GDA: variants seen among roughly 807,000 people sequenced by gnomAD.
GDA encodes guanine deaminase, also known as cytoplasmic PSD-95 interactor.
A neutral mutation model predicts 59.6 loss-of-function variants in GDA; 18 were observed. The observed-to-expected ratio is 0.30, with a 90% CI of 0.21 to 0.45. The LOEUF (loss-of-function observed/expected upper bound fraction) is 0.45, where lower values mean the gene tolerates loss of function less well. Among genes scored for constraint, GDA ranks in the 20% least tolerant of loss-of-function variants. The pLI is 1.00. For synonymous variants in GDA, 201 were observed against 201.1 expected (o/e 1.00, Z 0.00); for missense variants, 427 against 552.3 (o/e 0.77, Z 2.27).
downstream of GDA, among the ~76,000 whole-genome samples, chr9:72,257,943 A>T (rs1233752075): frequency 6.6e-6 from 1 of 151,246 alleles, no homozygotes; most frequent in African/African-American, 2.4e-5. Flanking sequence ...AAAAAAAAAA[A>T]AAAAAGATAC....
At chr9:72,158,572 A>C (rs1828220184) in intron 1 of GDA, among the ~76,000 whole-genome samples, 1 of 151,842 alleles carries the variant, frequency 6.6e-6, no homozygotes, top group Non-Finnish European at 1.5e-5. Context: ...CAGCCTGGGC[A>C]ACAAGAGCGA....
At chr9:72,225,994 T>C (rs1211338057) in intron 8 of GDA, among the ~76,000 whole-genome samples, 2 of 149,016 alleles carry the variant, frequency 1.3e-5, no homozygotes, top group Non-Finnish European at 3.0e-5. Context: ...GCCTAGTGTG[T>C]GTGTGTGTGT....
At chr9:72,235,809 C>G (rs186210905) in intron 10 of GDA, among the ~76,000 whole-genome samples, 2 of 152,006 alleles carry the variant, frequency 1.3e-5, no homozygotes, top group East Asian at 3.9e-4. Context: ...AGGATACCTC[C>G]TATGTGAAAT....
At chr9:72,165,475 G>A (rs540550345) in intron 1 of GDA, among the ~76,000 whole-genome samples, 16 of 152,140 alleles carry the variant, frequency 1.1e-4, no homozygotes, top group Non-Finnish European at 1.9e-4. Context: ...TAAATGTGAG[G>A]TTGTTTGAAA....
chr9:72,147,266 G>A (rs1826674943), upstream of GDA, among the ~76,000 whole-genome samples: 1 of 152,140 alleles, frequency 6.6e-6, no homozygotes, highest in African/African-American at 2.4e-5. Context: ...GGAATGCAGT[G>A]GCGTGATCTC....
intron 1 of GDA, among the ~76,000 whole-genome samples, chr9:72,160,875 C>T (rs1828536406): frequency 2.6e-5 from 4 of 152,104 alleles, no homozygotes; most frequent in African/African-American, 9.7e-5. Flanking sequence ...TGGATGGATA[C>T]ACATTTCAAG....
At chr9:72,138,571 C>A (rs936160268) in intron 1 of GDA, among the ~76,000 whole-genome samples, 1 of 152,194 alleles carries the variant, frequency 6.6e-6, no homozygotes, top group African/African-American at 2.4e-5. Flanking sequence ...GCATTAAACG[C>A]TGTTTCCATA....
chr9:72,135,228 G>A (rs1826177905), intron 1 of GDA, among the ~76,000 whole-genome samples: 1 of 119,650 alleles, frequency 8.4e-6, no homozygotes, highest in African/African-American at 5.2e-5. Flanking sequence ...GTACGTGTGT[G>A]TGTGTGTGTG....
At chr9:72,227,401 T>G (rs190094774) in intron 8 of GDA, among the ~76,000 whole-genome samples, 1 of 152,300 alleles carries the variant, frequency 6.6e-6, no homozygotes, top group Admixed American at 6.5e-5. Flanking sequence ...GTTTATTTAG[T>G]TGAAAATATC....
chr9:72,185,572 A>G (rs1831765564), intron 1 of GDA, among the ~76,000 whole-genome samples: 1 of 152,188 alleles, frequency 6.6e-6, no homozygotes, highest in Non-Finnish European at 1.5e-5. Context: ...AAAAACTTCA[A>G]GAAATTTTGA....
chr9:72,132,881 T>C (rs1056813827), intron 1 of GDA, among the ~76,000 whole-genome samples: 2 of 152,122 alleles, frequency 1.3e-5, no homozygotes, highest in South Asian at 2.1e-4. Flanking sequence ...GACTATGAGA[T>C]GGGTTCCATT....
At chr9:72,257,379 C>T (rs1285639816), downstream of GDA, 2 of 152,234 alleles carry the variant, frequency 1.3e-5, no homozygotes, top group African/African-American at 4.8e-5. Flanking sequence ...GCCTAAAATC[C>T]TCTGTAGCCT....
chr9:72,175,169 T>C (rs757262745), intron 1 of GDA, among the ~76,000 whole-genome samples: 1 of 152,088 alleles, frequency 6.6e-6, no homozygotes, highest in Non-Finnish European at 1.5e-5. Context: ...GAGTTTTTGT[T>C]TTGTTTCATT....
downstream of GDA, among the ~76,000 whole-genome samples, chr9:72,255,592 A>T (rs1426040200): frequency 1.3e-5 from 2 of 152,198 alleles, no homozygotes; most frequent in African/African-American, 4.8e-5. Context: ...CTTTCAATTC[A>T]TGAACTTTCT....
At chr9:72,236,612 G>A (rs182668870) in intron 10 of GDA, among the ~76,000 whole-genome samples, 8 of 152,110 alleles carry the variant, frequency 5.3e-5, no homozygotes, top group East Asian at 3.9e-4. Flanking sequence ...AAAATACCCC[G>A]ACGTGTGTTC....
At chr9:72,171,925 C>G (rs185873243) in intron 1 of GDA, among the ~76,000 whole-genome samples, 8 of 152,222 alleles carry the variant, frequency 5.3e-5, no homozygotes, top group Admixed American at 4.6e-4. Flanking sequence ...ATTTTTTATT[C>G]TCATTTCACA....
In GDA at chr9:72,228,049, A is replaced by G. The variant is rs369889349; in HGVS notation, c.920+9A>G. On this transcript the variant is annotated intron_variant, in intron 9 of 13. Coordinates refer to ENST00000358399, the MANE Select transcript of GDA (RefSeq NM_004293.5). ...CCCAATTCTAATTTATCGTAAGTAG[A>G]CAATGATTGTTTGGTAGATTACGAA... 9.1e-6 allele frequency: 13 copies of G among 1,426,230 alleles called. No individual in the cohort carries two copies. Among genetic ancestry groups the G allele is most frequent in the Non-Finnish European group, 1.2e-5 (12 of 1,010,710 alleles). The allele number at this position is 1,426,230 out of a possible 1,614,324, so 88.3% of individuals were successfully genotyped here.
At chr9:72,138,680 C>T (rs1466768426) in intron 1 of GDA, among the ~76,000 whole-genome samples, 1 of 152,220 alleles carries the variant, frequency 6.6e-6, no homozygotes, top group Non-Finnish European at 1.5e-5. Context: ...GACAGTTTAT[C>T]ACAGCCACAT....
In GDA at chr9:72,251,906, TA is replaced by T. The variant is rs1174163592; in HGVS notation, c.*3567del. ...AAGTCAACCAGACCAATGATGGAAT[TA>T]AATGTAAATTCCAAGAGGGCTTTCA... On this transcript the variant is annotated 3_prime_UTR_variant, in exon 14 of 14. Transcript: ENST00000358399. 1 of 152,144 alleles carries T rather than the reference TA, an allele frequency of 6.6e-6. No individual in the cohort carries two copies. Among genetic ancestry groups the T allele is most frequent in the African/African-American group, 2.4e-5 (1 of 41,440 alleles). The allele number at this position is 152,144 out of a possible 1,614,324, so 9.4% of individuals were successfully genotyped here.
Sources: gnomAD v4.1 joint callset for allele counts (sites outside exome capture counted in the v4.1 genomes callset) on GRCh38, gnomAD v4.1.1 for gene constraint, MANE v1.5 for transcripts, NCBI Gene and HGNC (gene_info 2026-07-23, HGNC 2026-07-21) for gene names.